STX18: variants seen among roughly 807,000 people sequenced by gnomAD.
STX18 encodes the protein syntaxin-18.
In STX18, 40 loss-of-function variants were observed where a neutral mutation model predicts 50.1. The ratio of observed to expected loss-of-function variants is 0.80; its 90% CI spans 0.62 to 1.04. The LOEUF (loss-of-function observed/expected upper bound fraction) is 1.04, where lower values mean the gene tolerates loss of function less well. Ranked by LOEUF, STX18 falls within the 50% of genes least tolerant of loss-of-function variation. STX18 has a pLI of 0.00. For synonymous variants in STX18, 158 were observed against 151.8 expected (o/e 1.04, Z -0.30); for missense variants, 410 against 415.8 (o/e 0.99, Z 0.12).
chr4:4,453,993 CAT>C (rs1295423160), intron 5 of STX18, among the ~76,000 whole-genome samples: 1 of 152,212 alleles, frequency 6.6e-6, no homozygotes, highest in Non-Finnish European at 1.5e-5. Context: ...CATCTAGAAA[CAT>C]AGCATAAATG....
At chr4:4,500,847 C>T (rs563298367) in intron 1 of STX18, among the ~76,000 whole-genome samples, 2 of 152,250 alleles carry the variant, frequency 1.3e-5, no homozygotes, top group South Asian at 2.1e-4. Context: ...ACCAGGCTGA[C>T]CAACATGGTG....
intron 2 of STX18, among the ~76,000 whole-genome samples, chr4:4,465,919 T>A (rs944475727): frequency 3.3e-5 from 5 of 152,200 alleles, no homozygotes; most frequent in African/African-American, 1.2e-4. Context: ...ATGCCTGGCA[T>A]AGTCTATGGC....
intron 5 of STX18, among the ~76,000 whole-genome samples, chr4:4,441,510 CCAAAA>C (rs546661808): frequency 1.2e-4 from 18 of 151,992 alleles, no homozygotes; most frequent in Admixed American, 3.3e-4. Flanking sequence ...CTTGCAATAG[CCAAAA>C]CAAAACAAAA....
chr4:4,510,542 T>C (rs1729948312), intron 1 of STX18, among the ~76,000 whole-genome samples: 1 of 152,218 alleles, frequency 6.6e-6, no homozygotes, highest in Non-Finnish European at 1.5e-5. Context: ...GGAACGTTTT[T>C]ACACTGTTGG....
intron 1 of STX18, among the ~76,000 whole-genome samples, chr4:4,522,525 T>C (rs1196712498): frequency 6.6e-6 from 1 of 152,196 alleles, no homozygotes; most frequent in Non-Finnish European, 1.5e-5. Context: ...ATATTGCCAA[T>C]TCCTTTAGAT....
At chr4:4,456,681 G>C (rs1263787131) in intron 5 of STX18, among the ~76,000 whole-genome samples, 1 of 152,228 alleles carries the variant, frequency 6.6e-6, no homozygotes, top group East Asian at 1.9e-4. Flanking sequence ...GAGCAAGTCT[G>C]TCACAGGTGA....
intron 1 of STX18, among the ~76,000 whole-genome samples, chr4:4,476,831 A>G (rs1435314843): frequency 6.6e-6 from 1 of 152,144 alleles, no homozygotes; most frequent in Non-Finnish European, 1.5e-5. Flanking sequence ...AGGTGAGTAC[A>G]TGCTTATATG....
At chr4:4,457,612 T>G in intron 3 of STX18, 112 bp from the exon 4 acceptor site, 1 of 776,302 alleles carries the variant, frequency 1.3e-6, no homozygotes, top group South Asian at 1.7e-5. Context: ...AAAACACAGC[T>G]ATAAAACAAG....
intron 9 of STX18, among the ~76,000 whole-genome samples, chr4:4,421,936 C>T (rs995457797): frequency 3.3e-5 from 5 of 152,116 alleles, no homozygotes; most frequent in South Asian, 2.1e-4. Flanking sequence ...GGAGCAGAGA[C>T]GGTGCTAGAC....
intron 1 of STX18, among the ~76,000 whole-genome samples, chr4:4,500,526 A>G (rs1301305803): frequency 6.6e-6 from 1 of 152,212 alleles, no homozygotes; most frequent in Non-Finnish European, 1.5e-5. Context: ...TTTTACCAGC[A>G]ACCTGAGCAT....
At chr4:4,460,354 G>A (rs75026969) in intron 2 of STX18, among the ~76,000 whole-genome samples, 1 of 152,114 alleles carries the variant, frequency 6.6e-6, no homozygotes, top group Admixed American at 6.5e-5. Context: ...ACACAGCTAC[G>A]ACTGTGCTCC....
Position 4,504,791 on chromosome 4 carries a change from T to C in STX18, c.169-33085A>G, listed in dbSNP as rs532625130. ...CTATTAAAATAGCTGAAATAAAAAA[T>C]ACTAAAAATACCAAGTGTTGGTGAG... On this transcript the variant is annotated intron_variant, in intron 1 of 10. Transcript: ENST00000306200. 4.3e-3 allele frequency among the ~76,000 whole-genome samples: 648 copies of C among 152,156 alleles called. 5 individuals carry two copies. Among genetic ancestry groups the C allele is most frequent in the African/African-American group, 0.015 (628 of 41,532 alleles).
intron 4 of STX18, 50 bp from the exon 5 acceptor site, chr4:4,457,307 A>C: frequency 6.3e-7 from 1 of 1,586,944 alleles, no homozygotes; most frequent in Middle Eastern, 1.7e-4. Flanking sequence ...ACAGCTTCTC[A>C]GGCAAAGCCA....
At chr4:4,455,592 C>G (rs1438486470) in intron 5 of STX18, among the ~76,000 whole-genome samples, 1 of 152,206 alleles carries the variant, frequency 6.6e-6, no homozygotes, top group Non-Finnish European at 1.5e-5. Context: ...AACTGTTTTG[C>G]AAAACATGCG....
intron 2 of STX18, among the ~76,000 whole-genome samples, chr4:4,470,014 A>T (rs1039105227): frequency 6.6e-6 from 1 of 152,038 alleles, no homozygotes; most frequent in East Asian, 1.9e-4. Context: ...TTTCCATAGG[A>T]CCTATGACCT....
At chr4:4,451,941 G>T (rs191056433) in intron 5 of STX18, among the ~76,000 whole-genome samples, 98 of 152,336 alleles carry the variant, frequency 6.4e-4, no homozygotes, top group Middle Eastern at 3.4e-3. Context: ...CTAAAAGTTA[G>T]ACCTCTTGTG....
chr4:4,452,211 C>G (rs1362198761), intron 5 of STX18, among the ~76,000 whole-genome samples: 1 of 152,118 alleles, frequency 6.6e-6, no homozygotes, highest in Non-Finnish European at 1.5e-5. Flanking sequence ...TGGAAGGCAG[C>G]AGAGGTTGGT....
Position 4,420,967 on chromosome 4 carries a change from A to G in STX18, c.832-23T>C. On this transcript the variant is annotated intron_variant, in intron 9 of 10. Coordinates refer to ENST00000306200, the MANE Select transcript of STX18 (RefSeq NM_016930.4). The surrounding 1 kb of genome is among the most constrained non-coding windows in gnomAD (Gnocchi z 4.3). ...TTCCTGTGGAAGAAAAGATAAATACAAGTTGAGTATCCTTTATCCAAAAAC... is the reference window on the plus strand; with the variant it reads ...TTCCTGTGGAAGAAAAGATAAATACGAGTTGAGTATCCTTTATCCAAAAAC... The G allele has an allele frequency of 6.2e-7, 1 of 1,610,802 alleles. No homozygotes were observed. Among genetic ancestry groups the G allele is most frequent in the Non-Finnish European group, 8.5e-7 (1 of 1,177,272 alleles).
intron 1 of STX18, among the ~76,000 whole-genome samples, chr4:4,476,384 A>G (rs972914671): frequency 3.9e-5 from 6 of 152,266 alleles, no homozygotes; most frequent in Non-Finnish European, 8.8e-5. Flanking sequence ...CTTAACTCTG[A>G]TAACCTGTGG....
Sources: gnomAD v4.1 joint callset for allele counts (sites outside exome capture counted in the v4.1 genomes callset) on GRCh38, gnomAD v4.1.1 for gene constraint, Gnocchi (gnomAD v3.1) non-coding constraint, MANE v1.5 for transcripts, NCBI Gene and HGNC (gene_info 2026-07-23, HGNC 2026-07-21) for gene names.